The following AOPEP variants were observed in gnomAD, a reference collection of about 807,000 sequenced individuals.
AOPEP encodes aminopeptidase O.
Under a neutral mutation model 98.1 loss-of-function variants are expected in AOPEP, and 77 were observed. The observed-to-expected ratio is 0.78, with a 90% confidence interval of 0.65 to 0.95. The LOEUF (loss-of-function observed/expected upper bound fraction) is 0.95. AOPEP is among the 40% of genes least tolerant of loss of function. AOPEP has a pLI of 0.00. For synonymous variants in AOPEP, 346 were observed against 365.3 expected (o/e 0.95, Z 0.60); for missense variants, 1,024 against 1,024.7 (o/e 1.00, Z 0.01).
At chr9:94,962,481 A>G (rs1264940183) in intron 9 of AOPEP, among the ~76,000 whole-genome samples, 1 of 152,116 alleles carries the variant, frequency 6.6e-6, no homozygotes, top group East Asian at 1.9e-4. Context: ...TGAATCTTAG[A>G]TTTCTTCCTT....
At chr9:94,889,710 G>T (rs72748557) in intron 5 of AOPEP, among the ~76,000 whole-genome samples, 4,397 of 152,240 alleles carry the variant, frequency 0.029, 171 homozygotes, top group African/African-American at 0.084. Flanking sequence ...AAATACCCAA[G>T]ACAGTTCAAT....
intron 11 of AOPEP, among the ~76,000 whole-genome samples, chr9:94,989,449 A>C (rs1179866336): frequency 1.3e-5 from 2 of 151,662 alleles, no homozygotes; most frequent in Non-Finnish European, 1.5e-5. Flanking sequence ...GTTGGCCAGG[A>C]TGGTCTCGAT....
intron 13 of AOPEP, among the ~76,000 whole-genome samples, chr9:95,047,522 G>A (rs749759496): frequency 1.3e-5 from 2 of 152,146 alleles, no homozygotes; most frequent in Non-Finnish European, 2.9e-5. Context: ...TGCAGAACTT[G>A]TGAATGGACT....
At chr9:95,091,799 G>C (rs2070870716), downstream of AOPEP, among the ~76,000 whole-genome samples, 1 of 152,168 alleles carries the variant, frequency 6.6e-6, no homozygotes. Context: ...CGGCAGCCGA[G>C]CCTGGGGTGG....
chr9:95,014,662 T>C (rs999902614), intron 13 of AOPEP, among the ~76,000 whole-genome samples: 1 of 152,186 alleles, frequency 6.6e-6, no homozygotes, highest in African/African-American at 2.4e-5. Context: ...GGACTACTAC[T>C]GGATTGAAGG....
downstream of AOPEP, among the ~76,000 whole-genome samples, chr9:95,089,925 G>T (rs1185214876): frequency 6.6e-6 from 1 of 152,224 alleles, no homozygotes; most frequent in East Asian, 1.9e-4. Context: ...CTGAACAGAC[G>T]GACCCAGGAC....
At chr9:95,146,878 C>T in the AOPEP span, among the ~76,000 whole-genome samples, 142,665 of 152,120 alleles carry the variant, frequency 0.94, 66,911 homozygotes, top group Middle Eastern at 0.98. Context: ...AAAATTCTTA[C>T]ATTTTTCTTG....
chr9:94,845,625 A>C (rs1008604581), intron 5 of AOPEP, among the ~76,000 whole-genome samples: 2 of 152,128 alleles, frequency 1.3e-5, no homozygotes, highest in Non-Finnish European at 2.9e-5. Context: ...AACAGTGAGA[A>C]GTGTTCAAAT....
At chr9:95,135,444 T>C in the AOPEP span, 17 of 1,614,074 alleles carry the variant, frequency 1.1e-5, no homozygotes, top group African/African-American at 2.1e-4. Flanking sequence ...TTTTCAAGGC[T>C]GGGAAGGTGC....
chr9:95,017,879 A>G (rs1113102), intron 13 of AOPEP, among the ~76,000 whole-genome samples: 116,598 of 152,160 alleles, frequency 0.77, 46,866 homozygotes, highest in Non-Finnish European at 0.89. Context: ...AATTTCATGT[A>G]ATTGAATCAT....
At chr9:94,765,476 A>AATAATAATG (rs1440594484) in intron 2 of AOPEP, among the ~76,000 whole-genome samples, 7 of 147,834 alleles carry the variant, frequency 4.7e-5, no homozygotes, top group Non-Finnish European at 7.4e-5. Context: ...TAATAATAAT[A>AATAATAATG]ATAAGTCACA....
At chr9:94,950,980 C>T (rs991660927) in intron 7 of AOPEP, among the ~76,000 whole-genome samples, 1 of 152,192 alleles carries the variant, frequency 6.6e-6, no homozygotes, top group Non-Finnish European at 1.5e-5. Flanking sequence ...AATATCACTG[C>T]CACCTGCCCA....
At chr9:94,757,815 A>G (rs899814341) in intron 1 of AOPEP, among the ~76,000 whole-genome samples, 2 of 152,204 alleles carry the variant, frequency 1.3e-5, no homozygotes, top group African/African-American at 4.8e-5. Flanking sequence ...CCCAGTCAAC[A>G]AAATACTGTA....
intron 5 of AOPEP, among the ~76,000 whole-genome samples, chr9:94,837,299 A>G (rs2099868): frequency 0.96 from 146,143 of 152,300 alleles, 70,158 homozygotes; most frequent in African/African-American, 0.99. Flanking sequence ...AGGACTGGAC[A>G]GATTCACAGC....
rs2060041190 is a variant in AOPEP, at chr9:94,979,414, C to G, written c.1964C>G (p.Ser655Cys). 4.4e-6 allele frequency: 7 copies of G among 1,598,566 alleles called. No individual in the cohort carries two copies. In the East Asian group the frequency reaches 1.3e-4, roughly 31 times the overall value. ...ATCTACCAAGACTGGCTTGAGAGTT[C>G]CGGAATACCAAAGGTAACTCAAGAT... ...ENIYQDWLES[S>C]GIPKPLQRER... Residue 655 changes from serine to cysteine, a missense_variant, in exon 11 of 17, where the codon TCC becomes TGC. Ser to Cys is a moderately radical substitution (Grantham distance 112). This residue lies in a region of AOPEP where 566 missense variants were observed against 551.7 expected (regional missense o/e 1.03). Transcript: ENST00000375315.
chr9:94,996,347 C>CCT lies in AOPEP; in HGVS notation c.1978-8808_1978-8807dup, dbSNP rs1554797126. On this transcript the variant is annotated intron_variant, in intron 11 of 16. Transcript: ENST00000375315. ...CCCCACATGTGGTGGATTTTACTTGCCTCTGTGTGTGTGTGTGTGTGTGTG... is the reference window on the plus strand; with the variant it reads ...CCCCACATGTGGTGGATTTTACTTGCCTCTCTGTGTGTGTGTGTGTGTGTGTG... Among the ~76,000 whole-genome samples, 23 of 116,414 alleles carry CCT rather than the reference C, an allele frequency of 2.0e-4. No individual in the cohort carries two copies. The Middle Eastern group carries it at 0.021, about 108-fold the overall frequency. 76.4% of individuals were successfully genotyped at this position (116,414 alleles called of 152,430 possible). A position where few individuals can be genotyped will look rare whatever the true frequency, so the allele number is the denominator to read the frequency against.
intron 2 of AOPEP, among the ~76,000 whole-genome samples, chr9:94,765,439 A>AAATAATAAT (rs370305424): frequency 0.19 from 23,828 of 123,638 alleles, 2,535 homozygotes; most frequent in African/African-American, 0.2. Flanking sequence ...TTCTCTACAA[A>AAATAATAAT]AATAATAATA....
chr9:94,942,152 T>C (rs2057078047), intron 7 of AOPEP, among the ~76,000 whole-genome samples: 1 of 152,206 alleles, frequency 6.6e-6, no homozygotes. Context: ...AATAATTCAC[T>C]CTTATTTTGC....
chr9:95,024,410 G>A (rs1438399328), intron 13 of AOPEP, among the ~76,000 whole-genome samples: 2 of 152,204 alleles, frequency 1.3e-5, no homozygotes, highest in Non-Finnish European at 2.9e-5. Context: ...GGCCTCGGGA[G>A]CATTCTCATT....
Sources: gnomAD v4.1 joint callset for allele counts (sites outside exome capture counted in the v4.1 genomes callset) on GRCh38, gnomAD v4.1.1 for gene constraint, gnomAD v4.1.1 regional missense constraint, MANE v1.5 for transcripts, NCBI Gene and HGNC (gene_info 2026-07-23, HGNC 2026-07-21) for gene names.